CSMD3: variants seen among roughly 807,000 people sequenced by gnomAD.
The protein encoded by CSMD3 is CUB and sushi domain-containing protein 3.
A neutral mutation model predicts 435.2 loss-of-function variants in CSMD3; 177 were observed. That is an observed-to-expected ratio of 0.41 (90% CI 0.36 to 0.46). CSMD3 has a LOEUF of 0.46. CSMD3 is among the 20% of genes least tolerant of loss of function. CSMD3 has a pLI of 0.34. For synonymous variants in CSMD3, 1,656 were observed against 1,520.5 expected, an observed-to-expected ratio of 1.09 and a Z score of -2.07; for missense variants, 4,265 against 4,504.6, an observed-to-expected ratio of 0.95 and a Z score of 1.52.
At position 112,224,456 on chromosome 8, in the gene CSMD3, A is replaced by T. The variant is rs1812394964; in HGVS notation, c.*315T>A. On this transcript the variant is annotated 3_prime_UTR_variant, in exon 71 of 71. Coordinates refer to ENST00000297405, the MANE Select transcript of CSMD3 (RefSeq NM_198123.2). The stretch of plus-strand genomic sequence containing the variant: ...CCCTCTAATATAGTTTATAAAGCAC[A>T]GAAATACTGATAGTGGATGCTCCTC... 2.6e-6 allele frequency: 1 copy of T among 377,490 alleles called. No individual in the cohort carries two copies. Among genetic ancestry groups the T allele is most frequent in the Admixed American group, 3.7e-5 (1 of 26,758 alleles). 23.4% of individuals were successfully genotyped at this position (377,490 alleles called of 1,614,324 possible).
intron 9 of CSMD3, among the ~76,000 whole-genome samples, chr8:112,931,016 A>T (rs1365903723): frequency 1.3e-5 from 2 of 152,132 alleles, no homozygotes; most frequent in Non-Finnish European, 2.9e-5. Context: ...ATTTATCAGT[A>T]TTATAGTCCA....
intron 13 of CSMD3, among the ~76,000 whole-genome samples, chr8:112,765,162 C>T (rs549685938): frequency 6.6e-6 from 1 of 151,522 alleles, no homozygotes; most frequent in East Asian, 1.9e-4. Context: ...AGGAACAGGT[C>T]AGAATTATAT....
chr8:112,957,214 A>T (rs1370039857), intron 7 of CSMD3, among the ~76,000 whole-genome samples: 1 of 152,202 alleles, frequency 6.6e-6, no homozygotes, highest in Non-Finnish European at 1.5e-5. Context: ...TTGACTTGTC[A>T]TCAAGTAATG....
At chr8:112,616,521 C>G (rs1214324216) in intron 22 of CSMD3, among the ~76,000 whole-genome samples, 2 of 152,044 alleles carry the variant, frequency 1.3e-5, no homozygotes, top group Non-Finnish European at 2.9e-5. Flanking sequence ...CAAGTAGTCC[C>G]TCACCAACAA....
At chr8:113,173,356 C>T (rs902528888) in intron 4 of CSMD3, among the ~76,000 whole-genome samples, 1 of 152,048 alleles carries the variant, frequency 6.6e-6, no homozygotes, top group African/African-American at 2.4e-5. Context: ...GAGTCTTGCT[C>T]TGTTGCCTAG....
rs1309875504 is a variant in CSMD3 at position 113,382,075 on chromosome 8, AT to A, written c.178+54601del. Reference sequence around the variant, plus strand: ...AACATTTACTCTTATAGATATTACCATAAAAAACATTTTGGGCTGCATATCT... The same window carrying A: ...AACATTTACTCTTATAGATATTACCAAAAAAACATTTTGGGCTGCATATCT... On this transcript the variant is annotated intron_variant, in intron 1 of 70. Coordinates refer to ENST00000297405, the MANE Select transcript of CSMD3 (RefSeq NM_198123.2). Among the ~76,000 whole-genome samples the A allele has an allele frequency of 7.2e-5, 11 of 152,312 alleles. No homozygotes were observed. In the East Asian group the frequency reaches 2.1e-3, roughly 29 times the overall value.
At chr8:112,751,183 A>C (rs974888541) in intron 13 of CSMD3, among the ~76,000 whole-genome samples, 12 of 151,966 alleles carry the variant, frequency 7.9e-5, no homozygotes, top group African/African-American at 2.7e-4. Flanking sequence ...AGTCCATTAA[A>C]CCTCTTTCCT....
intron 9 of CSMD3, among the ~76,000 whole-genome samples, chr8:112,925,374 C>T (rs151186828): frequency 1.1e-4 from 17 of 151,798 alleles, no homozygotes; most frequent in Non-Finnish European, 1.8e-4. Flanking sequence ...CTGGCTAACA[C>T]GGTGAGACCC....
intron 13 of CSMD3, among the ~76,000 whole-genome samples, chr8:112,781,103 C>T (rs1051647028): frequency 1.3e-5 from 2 of 151,816 alleles, no homozygotes; most frequent in Non-Finnish European, 2.9e-5. Flanking sequence ...TTGCATCCAG[C>T]TCAGCCATAG....
At chr8:112,639,179 T>C (rs2074747846) in intron 20 of CSMD3, among the ~76,000 whole-genome samples, 1 of 152,068 alleles carries the variant, frequency 6.6e-6, no homozygotes, top group African/African-American at 2.4e-5. Context: ...AAAAATTACC[T>C]GGTTTTCTGA....
At position 113,225,660 on chromosome 8, in the gene CSMD3, C is replaced by T. The variant is rs188256416; in HGVS notation, c.515-51744G>A. Among the ~76,000 whole-genome samples, 259 of 151,498 alleles carry T rather than the reference C, an allele frequency of 1.7e-3. 1 individual carries two copies. The highest frequency in any genetic ancestry group is 3.0e-3 in the Non-Finnish European group (206 of 67,638). On this transcript the variant is annotated intron_variant, in intron 3 of 70. Coordinates refer to ENST00000297405, the MANE Select transcript of CSMD3 (RefSeq NM_198123.2). ...AATTACATAGACAAATTTCTTTGAG[C>T]GCACTCTGCCAAGAACAGTTGGTAT... is the stretch of plus-strand genomic sequence containing the variant.
intron 6 of CSMD3, among the ~76,000 whole-genome samples, chr8:112,989,933 TC>T (rs539935161): frequency 1.6e-3 from 243 of 152,052 alleles, no homozygotes; most frequent in African/African-American, 5.7e-3. Context: ...GGGGCAGTTT[TC>T]CCCCTACTGT....
At chr8:112,575,927 C>A (rs1386882730) in intron 23 of CSMD3, among the ~76,000 whole-genome samples, 2 of 152,006 alleles carry the variant, frequency 1.3e-5, no homozygotes, top group Non-Finnish European at 2.9e-5. Flanking sequence ...AATCATTTAA[C>A]CACTAGATCC....
intron 53 of CSMD3, among the ~76,000 whole-genome samples, chr8:112,298,429 A>G (rs1265054340): frequency 6.6e-6 from 1 of 152,170 alleles, no homozygotes; most frequent in Non-Finnish European, 1.5e-5. Flanking sequence ...GGAGATATAA[A>G]AGTTAAAGCT....
intron 10 of CSMD3, among the ~76,000 whole-genome samples, chr8:112,902,748 A>G (rs2082140820): frequency 6.6e-6 from 1 of 151,266 alleles, no homozygotes; most frequent in African/African-American, 2.4e-5. Context: ...CGTGAAAACT[A>G]CGGATTTAAT....
At chr8:113,309,633 G>T (rs1273726855) in intron 2 of CSMD3, 1 of 152,040 alleles carries the variant, frequency 6.6e-6, no homozygotes, top group East Asian at 1.9e-4. Context: ...AGTTTATGTT[G>T]CAGTCATTAC....
chr8:112,303,557 A>AAAACAAAC (rs960329413), intron 52 of CSMD3, among the ~76,000 whole-genome samples: 3 of 152,094 alleles, frequency 2.0e-5, no homozygotes, highest in Admixed American at 1.3e-4. Flanking sequence ...TCTTTCTCAA[A>AAAACAAAC]AAACAAACAA....
intron 2 of CSMD3, chr8:113,312,161 C>T (rs1208757221): frequency 6.6e-6 from 1 of 152,014 alleles, no homozygotes; most frequent in Non-Finnish European, 1.5e-5. Context: ...CTAAACTAAA[C>T]AAATCTGAAT....
chr8:112,664,224 G>A (rs1586920840), intron 17 of CSMD3, among the ~76,000 whole-genome samples: 7 of 152,022 alleles, frequency 4.6e-5, no homozygotes, highest in Admixed American at 4.6e-4. Context: ...AAATATGCTT[G>A]TTTTTCAAAT....
Sources: allele counts gnomAD v4.1 joint callset (sites outside exome capture counted in the v4.1 genomes callset), GRCh38; gene constraint gnomAD v4.1.1; transcripts MANE v1.5; gene names NCBI Gene and HGNC (gene_info 2026-07-23, HGNC 2026-07-21).